The following ZSWIM9 variants were observed in gnomAD, a reference collection of about 807,000 sequenced individuals.
ZSWIM9 encodes uncharacterized protein ZSWIM9.
ZSWIM9 carries 11 observed loss-of-function variants against 25.0 expected under a neutral mutation model. The ratio of observed to expected loss-of-function variants is 0.44; its 90% CI spans 0.28 to 0.73. The LOEUF (loss-of-function observed/expected upper bound fraction) is 0.73. Among genes scored for constraint, ZSWIM9 ranks in the 30% least tolerant of loss-of-function variants. The probability of loss-of-function intolerance (pLI) is 0.16; values close to 1 mark genes in which losing one functional copy is unlikely to be tolerated. For missense variants in ZSWIM9, 1,070 were observed against 1,296.5 expected (o/e 0.83, Z 2.68); for synonymous variants, 562 against 582.1 (o/e 0.97, Z 0.50).
intron 3 of ZSWIM9, among the ~76,000 whole-genome samples, chr19:48,192,480 A>AATATATATAT (rs1555787871): frequency 2.3e-4 from 4 of 17,382 alleles, no homozygotes; most frequent in Admixed American, 1.0e-3. Flanking sequence ...AAAAAAAAAA[A>AATATATATAT]ATATATATAT....
intron 3 of ZSWIM9, chr19:48,193,170 C>G (rs1427453403): frequency 6.5e-6 from 1 of 154,794 alleles, no homozygotes; most frequent in Non-Finnish European, 1.5e-5. Flanking sequence ...TCATTTTAGC[C>G]CATCCATGAC....
At position 48,194,038 on chromosome 19, in the gene ZSWIM9, T is replaced by C. The variant is rs1423837971; in HGVS notation, c.589-615T>C. Among the ~76,000 whole-genome samples the C allele has an allele frequency of 6.6e-6, 1 of 152,144 alleles. No individual in the cohort carries two copies. The highest frequency in any genetic ancestry group is 2.4e-5 in the African/African-American group (1 of 41,424). On this transcript the variant is annotated intron_variant, in intron 3 of 3. Transcript: ENST00000614654. The surrounding 1 kb of genome is among the most constrained non-coding windows in gnomAD (Gnocchi z 6.0). ...GGAATATGGAGGTTAAGGAGGCAAC[T>C]GAGGCACAGAGAGGTTAAATCGCAG... is the stretch of plus-strand genomic sequence containing the variant.
chr19:48,179,685 G>A (rs373322646), intron 2 of ZSWIM9, among the ~76,000 whole-genome samples: 7 of 152,350 alleles, frequency 4.6e-5, no homozygotes, highest in South Asian at 2.1e-4. Flanking sequence ...TGGCAGAGCC[G>A]TGGAGTGGAA....
At chr19:48,186,325 G>A (rs924067647) in intron 3 of ZSWIM9, among the ~76,000 whole-genome samples, 2 of 150,512 alleles carry the variant, frequency 1.3e-5, no homozygotes, top group African/African-American at 4.9e-5. Context: ...TTTGAGACAG[G>A]GTTTCACTCC....
intron 2 of ZSWIM9, among the ~76,000 whole-genome samples, chr19:48,172,420 G>A (rs575187498): frequency 4.6e-5 from 7 of 151,684 alleles, no homozygotes; most frequent in Admixed American, 3.9e-4. Context: ...TGATTCTCCC[G>A]CCTCAGCCTC....
At chr19:48,183,653 T>C (rs2036979060) in intron 3 of ZSWIM9, among the ~76,000 whole-genome samples, 1 of 151,556 alleles carries the variant, frequency 6.6e-6, no homozygotes, top group African/African-American at 2.4e-5. Flanking sequence ...ATCTTTTTTT[T>C]TTTTGAGACA....
In ZSWIM9 at chr19:48,187,936, TTAAA is replaced by T. The variant is rs1335802877; in HGVS notation, c.588+5172_588+5175del. ...AGCCTTGACAACAGAGTGAGACCCT[TTAAA>T]TAGATAGATAGATAGATAGATAGAT... On this transcript the variant is annotated intron_variant, in intron 3 of 3. Coordinates refer to ENST00000614654, the MANE Select transcript of ZSWIM9 (RefSeq NM_199341.4). Among the ~76,000 whole-genome samples, 9 of 130,206 alleles carry T rather than the reference TTAAA, an allele frequency of 6.9e-5. No homozygotes were observed. In the South Asian group the frequency reaches 1.5e-3, roughly 22 times the overall value. 85.4% of individuals were successfully genotyped at this position (130,206 alleles called of 152,430 possible).
Position 48,183,158 on chromosome 19 carries a change from G to GTGCT in ZSWIM9, c.588+392_588+395dup, listed in dbSNP as rs544004282. The GTGCT allele has an allele frequency of 2.7e-3, 440 of 164,336 alleles. 2 individuals carry two copies. Among genetic ancestry groups the GTGCT allele is most frequent in the Non-Finnish European group, 4.5e-3 (341 of 75,586 alleles). 10.2% of individuals were successfully genotyped at this position (164,336 alleles called of 1,614,324 possible). A position where few individuals can be genotyped will look rare whatever the true frequency, so the allele number is the denominator to read the frequency against. Reference sequence around the variant, plus strand: ...GTCTCACTCTGTCACCCAGGCTGGAGTGCTCTATCACCCAGGCTGGAGTGC... The same window carrying GTGCT: ...GTCTCACTCTGTCACCCAGGCTGGAGTGCTTGCTCTATCACCCAGGCTGGAGTGC... On this transcript the variant is annotated intron_variant, in intron 3 of 3. Coordinates refer to ENST00000614654, the MANE Select transcript of ZSWIM9 (RefSeq NM_199341.4).
intron 3 of ZSWIM9, among the ~76,000 whole-genome samples, chr19:48,193,695 A>C (rs2037124573): frequency 6.6e-6 from 1 of 152,266 alleles, no homozygotes; most frequent in Non-Finnish European, 1.5e-5. Context: ...GTGATGTTTG[A>C]ACAGAGACGA....
chr19:48,194,959 G>A lies in ZSWIM9; in HGVS notation c.895G>A (p.Ala299Thr), dbSNP rs563469709. ...CTGCCTCACCGCCGGGCCCGAGGTGGCGGCGCAGTTGCCTGCAGTGCGCCA... is the reference window on the plus strand; with the variant it reads ...CTGCCTCACCGCCGGGCCCGAGGTGACGGCGCAGTTGCCTGCAGTGCGCCA... Reference protein sequence around the residue: ...VRCLTAGPEVAAQLPAVRQLL... With the variant: ...VRCLTAGPEVTAQLPAVRQLL... The change falls in exon 4 of 4, where the codon GCG becomes ACG. Residue 299 changes from alanine to threonine, a missense_variant. Ala to Thr is a moderately conservative substitution (Grantham distance 58). Around this residue, in one of 4 missense-constraint regions of ZSWIM9, gnomAD observed 184 missense variants for 243.1 expected, o/e 0.76. Transcript: ENST00000614654. This position sits in a 1 kb window ranked among gnomAD's most constrained non-coding sequence, Gnocchi z 6.0. The A allele has an allele frequency of 8.7e-5, 116 of 1,330,162 alleles. 1 individual carries two copies. The South Asian group carries it at 1.7e-3, about 20-fold the overall frequency. 82.4% of individuals were successfully genotyped at this position (1,330,162 alleles called of 1,614,324 possible).
chr19:48,173,567 C>T (rs1000135016), intron 2 of ZSWIM9, among the ~76,000 whole-genome samples: 1 of 152,032 alleles, frequency 6.6e-6, no homozygotes, highest in African/African-American at 2.4e-5. Flanking sequence ...CCTCGGCCTC[C>T]CAGAATGCTG....
rs1599940958 is a variant in ZSWIM9 at position 48,197,080 on chromosome 19, G to A, written c.*253G>A. The A allele has an allele frequency of 1.7e-6, 1 of 572,254 alleles. No individual in the cohort carries two copies. Among genetic ancestry groups the A allele is most frequent in the East Asian group, 2.9e-5 (1 of 34,740 alleles). The allele number at this position is 572,254 out of a possible 1,614,324, so 35.4% of individuals were successfully genotyped here. On this transcript the variant is annotated 3_prime_UTR_variant, in exon 4 of 4. Coordinates refer to ENST00000614654, the MANE Select transcript of ZSWIM9 (RefSeq NM_199341.4). ...TGGATTCTGAGGGCTTCCCTCTGGA[G>A]AGGAAGCATGTGATGAGAGGTGTAG...
intron 3 of ZSWIM9, among the ~76,000 whole-genome samples, chr19:48,187,522 A>G (rs1323184694): frequency 1.2e-5 from 1 of 83,070 alleles, no homozygotes; most frequent in African/African-American, 5.4e-5. Context: ...TATATATATT[A>G]TATATTATAT....
At chr19:48,190,640 G>A (rs2037082931) in intron 3 of ZSWIM9, 1 of 154,720 alleles carries the variant, frequency 6.5e-6, no homozygotes, top group South Asian at 2.0e-4. Flanking sequence ...CTAAGTGCCC[G>A]GGAGAGGGAG....
rs1302021686 is a variant in ZSWIM9 at position 48,195,803 on chromosome 19, C to T, written c.1739C>T (p.Ser580Phe). Residue 580 changes from serine to phenylalanine, a missense_variant, in exon 4 of 4, where the codon TCC (serine) becomes TTC (phenylalanine). Ser to Phe is a radical substitution (Grantham distance 155). Around this residue, in one of 4 missense-constraint regions of ZSWIM9, gnomAD observed 583 missense variants for 624.7 expected, o/e 0.93. Transcript: ENST00000614654. The surrounding 1 kb of genome is among the most constrained non-coding windows in gnomAD (Gnocchi z 5.8). ...WGLEGYVWRG[S>F]QLEDQALRGL... ...CTGGAAGGTTATGTCTGGAGGGGGT[C>T]CCAGTTGGAGGACCAGGCGCTAAGA... is the stretch of plus-strand genomic sequence containing the variant. 22 of 1,492,154 alleles carry T rather than the reference C, an allele frequency of 1.5e-5. No individual in the cohort carries two copies. The highest frequency in any genetic ancestry group is 2.0e-5 in the Non-Finnish European group (22 of 1,127,798). 92.4% of individuals were successfully genotyped at this position (1,492,154 alleles called of 1,614,324 possible).
intron 3 of ZSWIM9, among the ~76,000 whole-genome samples, chr19:48,188,107 T>G (rs994103149): frequency 6.6e-6 from 1 of 152,156 alleles, no homozygotes; most frequent in African/African-American, 2.4e-5. Flanking sequence ...CTGCACTTCC[T>G]GAGTTGGGTT....
intron 2 of ZSWIM9, among the ~76,000 whole-genome samples, chr19:48,179,394 C>T (rs1389686451): frequency 6.6e-6 from 1 of 151,894 alleles, no homozygotes; most frequent in Non-Finnish European, 1.5e-5. Context: ...GTCTTGAACT[C>T]CTGGACTCAG....
chr19:48,171,869 G>A lies in ZSWIM9; in HGVS notation c.67G>A (p.Ala23Thr). The A allele has an allele frequency of 1.3e-6, 2 of 1,535,540 alleles. No individual in the cohort carries two copies. The highest frequency in any genetic ancestry group is 1.7e-6 in the Non-Finnish European group (2 of 1,146,656). ...GGAGGAGCAGGAGCTGCGGGAGCGG[G>A]CCTTCTTCTCGTGGGCCGAGTTCAG... The part of the protein sequence containing the change: ...GQEEQELRER[A>T]FFSWAEFSRF... The change falls in exon 2 of 4, where the codon GCC (alanine) becomes ACC (threonine). Residue 23 changes from alanine (A) to threonine (T), a missense_variant. Ala to Thr is a moderately conservative substitution (Grantham distance 58). Around this residue, in one of 4 missense-constraint regions of ZSWIM9, gnomAD observed 265 missense variants for 339.0 expected, o/e 0.78. Transcript: ENST00000614654.
intron 3 of ZSWIM9, among the ~76,000 whole-genome samples, chr19:48,192,498 T>TATATATATATACATATATACAC (rs369454865): frequency 4.8e-5 from 1 of 20,766 alleles, no homozygotes; most frequent in Admixed American, 7.6e-4. Context: ...TATATATATA[T>TATATATATATACATATATACAC]ACACACACAC....
Sources: allele counts gnomAD v4.1 joint callset (sites outside exome capture counted in the v4.1 genomes callset), GRCh38; gene constraint gnomAD v4.1.1; regional missense constraint gnomAD v4.1.1; non-coding constraint Gnocchi (gnomAD v3.1); transcripts MANE v1.5; gene names NCBI Gene and HGNC (gene_info 2026-07-23, HGNC 2026-07-21).